UBASH3A: variants seen among roughly 807,000 people sequenced by gnomAD.
UBASH3A encodes ubiquitin associated and SH3 domain containing A.
UBASH3A carries 63 observed loss-of-function variants against 73.5 expected under a neutral mutation model. The ratio of observed to expected loss-of-function variants is 0.86; its 90% CI spans 0.70 to 1.06. UBASH3A has a LOEUF of 1.06. Among genes scored for constraint, UBASH3A ranks in the 50% least tolerant of loss-of-function variants. The pLI is 0.00. For synonymous variants in UBASH3A, 363 were observed against 351.1 expected, an observed-to-expected ratio of 1.03 and a Z score of -0.38; for missense variants, 860 against 859.0, an observed-to-expected ratio of 1.00 and a Z score of -0.02.
chr21:42,422,733 TG>T (rs1432822794), intron 7 of UBASH3A, among the ~76,000 whole-genome samples: 18 of 152,148 alleles, frequency 1.2e-4, no homozygotes, highest in Admixed American at 3.3e-4. Flanking sequence ...TATTGATAAA[TG>T]AAAAAAATAA....
rs1555859589 is a variant in UBASH3A at position 42,408,928 on chromosome 21, T to TAAAATAAAATAAAATAA, written c.168-491_168-475dup. On this transcript the variant is annotated intron_variant, in intron 2 of 14. Coordinates refer to ENST00000319294, the MANE Select transcript of UBASH3A (RefSeq NM_018961.4). The stretch of plus-strand genomic sequence containing the variant: ...TAAAATAAAATAAAATAAAATAAAA[T>TAAAATAAAATAAAATAA]AAAATAAAATAAAATAAAATAAAAA... 3.9e-3 allele frequency among the ~76,000 whole-genome samples: 584 copies of TAAAATAAAATAAAATAA among 149,582 alleles called. 3 individuals carry two copies. Among genetic ancestry groups the TAAAATAAAATAAAATAA allele is most frequent in the African/African-American group, 0.014 (552 of 40,542 alleles).
chr21:42,436,241 A>T (rs561329757), intron 10 of UBASH3A, among the ~76,000 whole-genome samples: 106 of 152,238 alleles, frequency 7.0e-4, no homozygotes, highest in Non-Finnish European at 1.2e-3. Flanking sequence ...TTATAGAGTT[A>T]TAAAGTCATA....
rs1326862146 is a variant in UBASH3A at position 42,442,593 on chromosome 21, A to T, written c.1628A>T (p.Tyr543Phe). 1.2e-6 allele frequency: 2 copies of T among 1,609,314 alleles called. No homozygotes were observed. The highest frequency in any genetic ancestry group is 1.7e-6 in the Non-Finnish European group (2 of 1,178,870). The change falls in exon 12 of 15, where the codon TAC (tyrosine) becomes TTC (phenylalanine). Residue 543 changes from tyrosine to phenylalanine, a missense_variant. Transcript: ENST00000319294. ...GCAAATTTCAACATTGACACTGATT[A>T]CAGGTATGCTGTTCTAAAGTTCTCT... The part of the protein sequence containing the change: ...KEANFNIDTD[Y>F]RPAFPLSALM...
Position 42,409,534 on chromosome 21 carries a change from G to C in UBASH3A, c.280G>C (p.Glu94Gln), listed in dbSNP as rs1380468792. The C allele has an allele frequency of 1.9e-6, 3 of 1,614,032 alleles. No homozygotes were observed. Among genetic ancestry groups the C allele is most frequent in the East Asian group, 4.5e-5 (2 of 44,900 alleles). The change falls in exon 3 of 15, where the codon GAG becomes CAG. Residue 94 changes from glutamate to glutamine, a missense_variant. Coordinates refer to ENST00000319294, the MANE Select transcript of UBASH3A (RefSeq NM_018961.4). ...GGAAAAACTTCAAGAGTTCTGGAGA[G>C]AGAGCAAGCGCCAGTGTGCAAAGAA... ...LLEKLQEFWRESKRQCAKNRA... is the reference protein window; with the variant it reads ...LLEKLQEFWRQSKRQCAKNRA...
At chr21:42,432,330 A>G (rs2053546648) in intron 9 of UBASH3A, 128 bp downstream of exon 9, 2 of 592,968 alleles carry the variant, frequency 3.4e-6, no homozygotes, top group Non-Finnish European at 5.9e-6. Flanking sequence ...CCATGTGTAG[A>G]CTGTATGTGT....
In UBASH3A at chr21:42,413,449, C is replaced by T. The variant is rs1360376275; in HGVS notation, c.593C>T (p.Pro198Leu). Reference sequence around the variant, plus strand: ...CGCTTCTGGATTTTCAGCCAGGTGCCTGGACATGGCCCTAACCTGAGGCTG... The same window carrying T: ...CGCTTCTGGATTTTCAGCCAGGTGCTTGGACATGGCCCTAACCTGAGGCTG... Reference protein sequence around the residue: ...VSRFWIFSQVPGHGPNLRLSN... With the variant: ...VSRFWIFSQVLGHGPNLRLSN... Residue 198 changes from proline (P) to leucine (L), a missense_variant, in exon 5 of 15, where the codon CCT (proline) becomes CTT (leucine). By Grantham distance (98) the Pro-to-Leu change is moderately conservative. Coordinates refer to ENST00000319294, the MANE Select transcript of UBASH3A (RefSeq NM_018961.4). The surrounding 1 kb of genome is among the most constrained non-coding windows in gnomAD (Gnocchi z 4.5). 2 of 1,614,016 alleles carry T rather than the reference C, an allele frequency of 1.2e-6. No homozygotes were observed. The highest frequency in any genetic ancestry group is 1.7e-6 in the Non-Finnish European group (2 of 1,180,020).
At chr21:42,444,480 TA>T in intron 13 of UBASH3A, 53 bp from the exon 14 acceptor site, 1 of 1,392,488 alleles carries the variant, frequency 7.2e-7, no homozygotes, top group Non-Finnish European at 1.0e-6. Context: ...CCCAGTCTAA[TA>T]AAAGGTGCTC....
intron 13 of UBASH3A, 84 bp from the exon 14 acceptor site, chr21:42,444,449 GC>G (rs879251535): frequency 4.0e-6 from 4 of 1,006,158 alleles, no homozygotes; most frequent in Admixed American, 3.4e-5. Flanking sequence ...AGATAGCTCT[GC>G]CCCCCACCAC....
chr21:42,443,238 A>C, intron 12 of UBASH3A, 74 bp from the exon 13 acceptor site: 1 of 1,495,676 alleles, frequency 6.7e-7, no homozygotes, highest in African/African-American at 1.4e-5. Context: ...CTCCTTCCCC[A>C]GCTAACTGCA....
At chr21:42,432,578 T>C (rs1601592253) in intron 9 of UBASH3A, among the ~76,000 whole-genome samples, 1 of 152,340 alleles carries the variant, frequency 6.6e-6, no homozygotes, top group East Asian at 1.9e-4. Context: ...GTATTGATGA[T>C]CAATGTCCAC....
Position 42,413,763 on chromosome 21 carries a change from C to A in UBASH3A, c.667+240C>A, listed in dbSNP as rs150206044. On this transcript the variant is annotated intron_variant, in intron 5 of 14. Coordinates refer to ENST00000319294, the MANE Select transcript of UBASH3A (RefSeq NM_018961.4). The surrounding 1 kb of genome is among the most constrained non-coding windows in gnomAD (Gnocchi z 4.5). The stretch of plus-strand genomic sequence containing the variant: ...TTGAGTGGGAGACACACAAGTCCTA[C>A]GTGACTTATTTCTGTATTTTCAGTA... Among the ~76,000 whole-genome samples, 386 of 152,294 alleles carry A rather than the reference C, an allele frequency of 2.5e-3. 3 individuals carry two copies. The highest frequency in any genetic ancestry group is 8.8e-3 in the African/African-American group (364 of 41,552).
At chr21:42,418,925 T>G (rs1362259996) in intron 7 of UBASH3A, among the ~76,000 whole-genome samples, 1 of 152,224 alleles carries the variant, frequency 6.6e-6, no homozygotes, top group African/African-American at 2.4e-5. Context: ...TTGGGTTTAT[T>G]TATTCTTCTG....
At chr21:42,405,613 G>T (rs9981624) in intron 1 of UBASH3A, among the ~76,000 whole-genome samples, 4 of 152,088 alleles carry the variant, frequency 2.6e-5, no homozygotes, top group East Asian at 1.9e-4. Flanking sequence ...TCATGTGGTG[G>T]GTTCCTCATG....
At chr21:42,406,456 CGGG>C in intron 2 of UBASH3A, 95 bp downstream of exon 2, 2 of 1,113,470 alleles carry the variant, frequency 1.8e-6, no homozygotes, top group South Asian at 2.5e-5. Flanking sequence ...CAGGAAGAGC[CGGG>C]CGCCTCTGGG....
At chr21:42,428,013 G>A (rs1372577592) in intron 8 of UBASH3A, among the ~76,000 whole-genome samples, 2 of 152,174 alleles carry the variant, frequency 1.3e-5, no homozygotes, top group East Asian at 1.9e-4. Context: ...GGCAACACAG[G>A]TGATGCAATC....
At position 42,416,429 on chromosome 21, in the gene UBASH3A, C is replaced by A. The variant is rs368361673; in HGVS notation, c.668-13C>A. 2.6e-6 allele frequency: 4 copies of A among 1,552,564 alleles called. No individual in the cohort carries two copies. Among genetic ancestry groups the A allele is most frequent in the Non-Finnish European group, 3.5e-6 (4 of 1,150,472 alleles). On this transcript the variant is annotated splice_polypyrimidine_tract_variant and intron_variant, in intron 5 of 14. Transcript: ENST00000319294. ...GGTGTCCTGGCACCCTCTGTGTTTC[C>A]CTGATTTCACAGACTGCTCCGTGAA... is the stretch of plus-strand genomic sequence containing the variant.
Position 42,447,492 on chromosome 21 carries a change from A to G in UBASH3A, c.*298A>G. On this transcript the variant is annotated 3_prime_UTR_variant, in exon 15 of 15. Transcript: ENST00000319294. ...GCAGCTGGGGACACAACTGCCCGGGACTCTAACTTCCAGGAATTAAAGACT... is the reference window on the plus strand; with the variant it reads ...GCAGCTGGGGACACAACTGCCCGGGGCTCTAACTTCCAGGAATTAAAGACT... 3.6e-6 allele frequency: 1 copy of G among 277,488 alleles called. No homozygotes were observed. The highest frequency in any genetic ancestry group is 6.7e-6 in the Non-Finnish European group (1 of 149,572). 17.2% of individuals were successfully genotyped at this position (277,488 alleles called of 1,614,324 possible).
intron 3 of UBASH3A, among the ~76,000 whole-genome samples, chr21:42,412,814 A>C (rs532136253): frequency 6.6e-6 from 1 of 152,242 alleles, no homozygotes; most frequent in African/African-American, 2.4e-5. Context: ...CAACCTGCAA[A>C]GAAACTTACC....
chr21:42,404,205 A>T, intron 1 of UBASH3A, 147 bp downstream of exon 1: 1 of 411,750 alleles, frequency 2.4e-6, no homozygotes. Flanking sequence ...GCCTCTTCAC[A>T]GGGCCCTCTT....
Sources: allele counts gnomAD v4.1 joint callset (sites outside exome capture counted in the v4.1 genomes callset), GRCh38; gene constraint gnomAD v4.1.1; non-coding constraint Gnocchi (gnomAD v3.1); transcripts MANE v1.5; gene names NCBI Gene and HGNC (gene_info 2026-07-23, HGNC 2026-07-21).